Variants in SESN3 observed in about 807,000 individuals in gnomAD.
The protein encoded by SESN3 is sestrin 3.
In SESN3, 21 loss-of-function variants were observed where a neutral mutation model predicts 55.3. That is an observed-to-expected ratio of 0.38 (90% CI 0.27 to 0.55). SESN3 has a LOEUF of 0.55. Among genes scored for constraint, SESN3 ranks in the 20% least tolerant of loss-of-function variants. SESN3 has a pLI of 0.76. For missense variants in SESN3, 408 were observed against 604.3 expected, an observed-to-expected ratio of 0.68 and a Z score of 3.41; for synonymous variants, 181 against 203.1, an observed-to-expected ratio of 0.89 and a Z score of 0.93.
chr11:95,220,127 AATG>A (rs1860832257), intron 1 of SESN3, among the ~76,000 whole-genome samples: 1 of 152,182 alleles, frequency 6.6e-6, no homozygotes, highest in Admixed American at 6.5e-5. Flanking sequence ...TAGGTAGGGG[AATG>A]ATAACAGTCC....
intron 2 of SESN3, 29 bp from the exon 3 acceptor site, chr11:95,191,630 G>A: frequency 6.4e-7 from 1 of 1,562,870 alleles, no homozygotes; most frequent in Non-Finnish European, 8.8e-7. Context: ...AAAACAAAAT[G>A]ACTATTGAGA....
chr11:95,191,284 GTTC>G (rs1860263319), intron 3 of SESN3, 117 bp downstream of exon 3: 1 of 794,870 alleles, frequency 1.3e-6, no homozygotes, highest in African/African-American at 1.7e-5. Flanking sequence ...GGCTTCTTCA[GTTC>G]TTATGTCCAT....
rs547630559 is a variant in SESN3 at position 95,167,171 on chromosome 11, G to C, written c.*6084C>G. The C allele has an allele frequency of 2.6e-5, 4 of 152,206 alleles. No individual in the cohort carries two copies. Among genetic ancestry groups the C allele is most frequent in the Admixed American group, 6.5e-5 (1 of 15,302 alleles). 9.4% of individuals were successfully genotyped at this position (152,206 alleles called of 1,614,324 possible). ...ATAATGTATGCACTTAACTAATCAG[G>C]ATTTGTGAACAATATTTTAACACTA... On this transcript the variant is annotated 3_prime_UTR_variant, in exon 10 of 10. Coordinates refer to ENST00000536441, the MANE Select transcript of SESN3 (RefSeq NM_144665.4).
Position 95,230,668 on chromosome 11 carries a change from A to G in SESN3, c.78+115T>C, listed in dbSNP as rs1861039473. 34 of 698,724 alleles carry G rather than the reference A, an allele frequency of 4.9e-5. No individual in the cohort carries two copies. The South Asian group carries it at 5.5e-4, about 11-fold the overall frequency. The allele number at this position is 698,724 out of a possible 1,614,324, so 43.3% of individuals were successfully genotyped here. The stretch of plus-strand genomic sequence containing the variant: ...CCCCTTTCTCAGTCCCTGCGGAGGG[A>G]CGGTGCCCGGGGATCCCTCTCAGCC... On this transcript the variant is annotated intron_variant, in intron 1 of 9. Coordinates refer to ENST00000536441, the MANE Select transcript of SESN3 (RefSeq NM_144665.4). The surrounding 1 kb of genome is among the most constrained non-coding windows in gnomAD (Gnocchi z 4.6).
At chr11:95,201,365 T>C (rs911092038) in intron 1 of SESN3, 7 of 151,974 alleles carry the variant, frequency 4.6e-5, no homozygotes, top group African/African-American at 1.2e-4. Context: ...ACTGAAAGAA[T>C]TGGAAGAATG....
At chr11:95,228,721 C>A (rs1048885566) in intron 1 of SESN3, among the ~76,000 whole-genome samples, 4 of 152,140 alleles carry the variant, frequency 2.6e-5, no homozygotes, top group Admixed American at 2.0e-4. Context: ...TTATTTCATG[C>A]CACTGCATGA....
Position 95,231,166 on chromosome 11 carries a change from TGCCACCGCCACCACCGCC to T in SESN3, c.-324_-307del, listed in dbSNP as rs1861058157. ...GGCTAGGACGAGCAGCCGCCACCGC[TGCCACCGCCACCACCGCC>T]GCCGCAGCGCCTCAGTGCGGCCCCG... is the stretch of plus-strand genomic sequence containing the variant. On this transcript the variant is annotated 5_prime_UTR_variant, in exon 1 of 10. Coordinates refer to ENST00000536441, the MANE Select transcript of SESN3 (RefSeq NM_144665.4). 7.0e-6 allele frequency: 2 copies of T among 283,912 alleles called. No individual in the cohort carries two copies. Among genetic ancestry groups the T allele is most frequent in the Non-Finnish European group, 1.2e-5 (2 of 164,364 alleles). 17.6% of individuals were successfully genotyped at this position (283,912 alleles called of 1,614,324 possible).
At position 95,231,166 on chromosome 11, in the gene SESN3, T is replaced by A; in HGVS notation, c.-306A>T. ...GGCTAGGACGAGCAGCCGCCACCGCTGCCACCGCCACCACCGCCGCCGCAG... is the reference window on the plus strand; with the variant it reads ...GGCTAGGACGAGCAGCCGCCACCGCAGCCACCGCCACCACCGCCGCCGCAG... On this transcript the variant is annotated 5_prime_UTR_variant, in exon 1 of 10. Transcript: ENST00000536441. The A allele has an allele frequency of 3.5e-6, 1 of 283,912 alleles. No individual in the cohort carries two copies. Among genetic ancestry groups the A allele is most frequent in the Non-Finnish European group, 6.1e-6 (1 of 164,364 alleles). 17.6% of individuals were successfully genotyped at this position (283,912 alleles called of 1,614,324 possible). A position where few individuals can be genotyped will look rare whatever the true frequency, so the allele number is the denominator to read the frequency against.
rs1342283250 is a variant in SESN3 at position 95,189,969 on chromosome 11, AC to A, written c.343-9del. On this transcript the variant is annotated splice_polypyrimidine_tract_variant and intron_variant, in intron 3 of 9. Transcript: ENST00000536441. ...CTGATGTCTAGCTGCAGCCTAAAGCACAAAGAAAAAAATTCATTGATAAAAG... is the reference window on the plus strand; with the variant it reads ...CTGATGTCTAGCTGCAGCCTAAAGCAAAAGAAAAAAATTCATTGATAAAAG... The A allele has an allele frequency of 6.4e-7, 1 of 1,572,802 alleles. No homozygotes were observed. The highest frequency in any genetic ancestry group is 1.4e-5 in the African/African-American group (1 of 72,474).
chr11:95,178,355 G>A (rs1319594441), intron 7 of SESN3, among the ~76,000 whole-genome samples: 1 of 152,164 alleles, frequency 6.6e-6, no homozygotes, highest in Non-Finnish European at 1.5e-5. Flanking sequence ...GAATATTAGA[G>A]TAGCCCTTAA....
intron 2 of SESN3, 43 bp from the exon 3 acceptor site, chr11:95,191,644 A>T (rs776839711): frequency 2.0e-6 from 3 of 1,477,858 alleles, no homozygotes; most frequent in South Asian, 2.3e-5. Flanking sequence ...ATTGAGACAT[A>T]AACACACCCT....
intron 1 of SESN3, chr11:95,224,552 C>T (rs1860915222): frequency 5.1e-6 from 2 of 392,630 alleles, no homozygotes; most frequent in Non-Finnish European, 9.9e-6. Context: ...AATATTGGCT[C>T]AATGAGTTAT....
At chr11:95,226,726 C>T (rs1036441841) in intron 1 of SESN3, among the ~76,000 whole-genome samples, 1 of 152,102 alleles carries the variant, frequency 6.6e-6, no homozygotes, top group African/African-American at 2.4e-5. Context: ...AATTGTAATT[C>T]AAGACCTGCA....
intron 1 of SESN3, among the ~76,000 whole-genome samples, chr11:95,216,097 CAAAAAAAAAAAAGA>C (rs1339469081): frequency 1.9e-5 from 1 of 51,418 alleles, no homozygotes; most frequent in African/African-American, 6.8e-5. Context: ...GACTCCATCT[CAAAAAAAAAAAAGA>C]AAAAAAAAAA....
At chr11:95,178,852 A>C (rs1310513633) in intron 6 of SESN3, 24 bp from the exon 7 acceptor site, 1 of 1,327,386 alleles carries the variant, frequency 7.5e-7, no homozygotes, top group Non-Finnish European at 1.1e-6. Context: ...TGAACAATCT[A>C]GTGTTAAGGA....
At chr11:95,217,289 A>G (rs1860777525) in intron 1 of SESN3, among the ~76,000 whole-genome samples, 2 of 152,186 alleles carry the variant, frequency 1.3e-5, no homozygotes, top group African/African-American at 4.8e-5. Context: ...TAATCATAAA[A>G]CTGCACAACT....
chr11:95,223,697 G>A (rs955444714), intron 1 of SESN3, among the ~76,000 whole-genome samples: 1 of 152,146 alleles, frequency 6.6e-6, no homozygotes, highest in Non-Finnish European at 1.5e-5. Flanking sequence ...TCTGTCAGTG[G>A]TATTAAGCTT....
intron 1 of SESN3, among the ~76,000 whole-genome samples, chr11:95,200,128 G>A (rs1290663698): frequency 6.6e-6 from 1 of 151,994 alleles, no homozygotes; most frequent in African/African-American, 2.4e-5. Flanking sequence ...TGTTATAGAT[G>A]TTCCATTTTG....
At position 95,231,194 on chromosome 11, in the gene SESN3, C is replaced by A. The variant is rs1487131251; in HGVS notation, c.-334G>T. 1.4e-5 allele frequency: 6 copies of A among 419,562 alleles called. No homozygotes were observed. 26.0% of individuals were successfully genotyped at this position (419,562 alleles called of 1,614,324 possible). A position where few individuals can be genotyped will look rare whatever the true frequency, so the allele number is the denominator to read the frequency against. On this transcript the variant is annotated 5_prime_UTR_variant, in exon 1 of 10. Transcript: ENST00000536441. ...CACCGCCACCACCGCCGCCGCAGCG[C>A]CTCAGTGCGGCCCCGCCTCCGCCGC...
Sources: allele counts gnomAD v4.1 joint callset (sites outside exome capture counted in the v4.1 genomes callset), GRCh38; gene constraint gnomAD v4.1.1; non-coding constraint Gnocchi (gnomAD v3.1); transcripts MANE v1.5; gene names NCBI Gene and HGNC (gene_info 2026-07-23, HGNC 2026-07-21).